Variants in ERC1 observed in about 807,000 individuals in gnomAD.
ERC1 encodes RAB6 interacting protein 2.
A neutral mutation model predicts 132.0 loss-of-function variants in ERC1; 56 were observed. The observed-to-expected ratio is 0.42, with a 90% CI of 0.34 to 0.53. The LOEUF is 0.53. ERC1 is among the 20% of genes least tolerant of loss of function. ERC1 has a pLI of 0.03. For missense variants in ERC1, 1,202 were observed against 1,349.9 expected (o/e 0.89, Z 1.72); for synonymous variants, 478 against 476.1 (o/e 1.00, Z -0.05).
rs2094318166 is a variant in ERC1 at position 1,491,472 on chromosome 12, G to C, written c.*1242G>C. The C allele has an allele frequency of 4.3e-6, 1 of 230,422 alleles. No individual in the cohort carries two copies. Among genetic ancestry groups the C allele is most frequent in the East Asian group, 6.2e-5 (1 of 16,226 alleles). The allele number at this position is 230,422 out of a possible 1,614,324, so 14.3% of individuals were successfully genotyped here. ...TTGAAAAGGCCACTTCTCAGTGAGG[G>C]AGAGATGTAGTGGATTCTGTGAGAC... is the stretch of plus-strand genomic sequence containing the variant. On this transcript the variant is annotated 3_prime_UTR_variant, in exon 19 of 19. Coordinates refer to ENST00000360905, the MANE Select transcript of ERC1 (RefSeq NM_178040.4).
At position 1,112,319 on chromosome 12, in the gene ERC1, C is replaced by G. The variant is rs753143486; in HGVS notation, c.1401+21C>G. The G allele has an allele frequency of 4.4e-6, 7 of 1,583,296 alleles. No homozygotes were observed. In the African/African-American group the frequency reaches 6.7e-5, roughly 15 times the overall value. ...CTGAGGTCTTTGCCGTAAGATTTAC[C>G]TCTTTGTGTGCAGTGGTCCCACAGT... On this transcript the variant is annotated intron_variant, in intron 6 of 18. Transcript: ENST00000360905.
chr12:1,065,252 C>G (rs748185472), intron 2 of ERC1, among the ~76,000 whole-genome samples: 1 of 152,070 alleles, frequency 6.6e-6, no homozygotes, highest in Non-Finnish European at 1.5e-5. Context: ...CTGCTCACCT[C>G]GGCCTCCCAA....
intron 15 of ERC1, among the ~76,000 whole-genome samples, chr12:1,357,875 G>A (rs774122602): frequency 1.3e-5 from 2 of 152,102 alleles, no homozygotes; most frequent in South Asian, 2.1e-4. Flanking sequence ...GATCTCCAGC[G>A]CAGATCAGTG....
At chr12:1,101,066 G>T (rs1944603703) in intron 3 of ERC1, among the ~76,000 whole-genome samples, 1 of 152,124 alleles carries the variant, frequency 6.6e-6, no homozygotes, top group Non-Finnish European at 1.5e-5. Context: ...AGTGACTAAG[G>T]ATGCATCATG....
At chr12:1,471,800 A>C (rs2093867262) in intron 18 of ERC1, among the ~76,000 whole-genome samples, 1 of 152,316 alleles carries the variant, frequency 6.6e-6, no homozygotes, top group South Asian at 2.1e-4. Flanking sequence ...ATTCCTTGTA[A>C]AGCTTTCCTC....
intron 12 of ERC1, among the ~76,000 whole-genome samples, chr12:1,206,701 T>G (rs1957380256): frequency 6.6e-6 from 1 of 152,178 alleles, no homozygotes; most frequent in African/African-American, 2.4e-5. Context: ...ATTCTTCTTT[T>G]GGCTAACGGT....
chr12:1,469,370 G>A lies in ERC1; in HGVS notation c.3214-20723G>A, dbSNP rs551429276. 8.5e-5 allele frequency among the ~76,000 whole-genome samples: 13 copies of A among 152,370 alleles called. No individual in the cohort carries two copies. In the East Asian group the frequency reaches 2.5e-3, roughly 29 times the overall value. The stretch of plus-strand genomic sequence containing the variant: ...GAGCAGCCTCCACGGGCTGTGTTCA[G>A]TGGGTGATTCCATGCCTTTGGTCTG... On this transcript the variant is annotated intron_variant, in intron 18 of 18. Coordinates refer to ENST00000360905, the MANE Select transcript of ERC1 (RefSeq NM_178040.4).
intron 18 of ERC1, among the ~76,000 whole-genome samples, chr12:1,449,336 G>A (rs1442971592): frequency 6.6e-6 from 1 of 152,084 alleles, no homozygotes; most frequent in African/African-American, 2.4e-5. Context: ...GAGGGGCCGG[G>A]GCAGAATGGT....
At chr12:1,339,439 C>T (rs2083611217) in intron 15 of ERC1, among the ~76,000 whole-genome samples, 1 of 137,712 alleles carries the variant, frequency 7.3e-6, no homozygotes, top group Non-Finnish European at 1.5e-5. Context: ...GCCAGGGTGC[C>T]CGCCCCCATG....
chr12:1,467,140 C>G (rs771046229), intron 18 of ERC1, among the ~76,000 whole-genome samples: 1 of 152,208 alleles, frequency 6.6e-6, no homozygotes, highest in African/African-American at 2.4e-5. Context: ...ACATCTTACT[C>G]TTTTCTAATG....
intron 18 of ERC1, among the ~76,000 whole-genome samples, chr12:1,467,545 G>A (rs2093768515): frequency 6.6e-6 from 1 of 152,144 alleles, no homozygotes; most frequent in African/African-American, 2.4e-5. Flanking sequence ...TAGAGCAGCG[G>A]TCCCCAACGT....
Position 1,236,793 on chromosome 12 carries a change from G to C in ERC1, c.2376G>C (p.Lys792Asn). 1 of 1,613,790 alleles carries C rather than the reference G, an allele frequency of 6.2e-7. No homozygotes were observed. Among genetic ancestry groups the C allele is most frequent in the Non-Finnish European group, 8.5e-7 (1 of 1,179,876 alleles). The part of the protein sequence containing the change: ...LERQVKDQNK[K>N]VANLKHKEQV... ...GGCAAGTGAAAGACCAGAATAAGAA[G>C]GTAGCAAATCTGAAGCACAAGGAAC... The change falls in exon 13 of 19, where the codon AAG becomes AAC. Residue 792 changes from lysine to asparagine, a missense_variant. Transcript: ENST00000360905.
chr12:1,444,333 C>T (rs770382751), intron 17 of ERC1: 6 of 399,082 alleles, frequency 1.5e-5, no homozygotes, highest in Non-Finnish European at 2.2e-5. Context: ...ATGAAGCCAG[C>T]GTTCTCTTCC....
At chr12:1,294,098 ACTC>A (rs1422287656) in intron 15 of ERC1, among the ~76,000 whole-genome samples, 4 of 151,296 alleles carry the variant, frequency 2.6e-5, no homozygotes, top group East Asian at 2.0e-4. Flanking sequence ...ATCCCTTGGG[ACTC>A]CTCCTCAGTT....
intron 7 of ERC1, among the ~76,000 whole-genome samples, chr12:1,120,819 G>T (rs557611451): frequency 2.7e-4 from 41 of 152,088 alleles, no homozygotes; most frequent in African/African-American, 9.2e-4. Context: ...TTTCGGAGGT[G>T]CTCAGGAGAT....
intron 15 of ERC1, among the ~76,000 whole-genome samples, chr12:1,339,612 G>A (rs1370108882): frequency 6.6e-6 from 1 of 152,058 alleles, no homozygotes; most frequent in African/African-American, 2.4e-5. Flanking sequence ...GGGGTGCCAG[G>A]GTGCCTGCCC....
chr12:1,197,099 G>C (rs900722602), intron 12 of ERC1, among the ~76,000 whole-genome samples: 4 of 150,258 alleles, frequency 2.7e-5, no homozygotes, highest in African/African-American at 9.8e-5. Context: ...TTGTGCGTCA[G>C]CCTTCCGAGT....
intron 3 of ERC1, among the ~76,000 whole-genome samples, chr12:1,100,517 G>T (rs565827347): frequency 1.5e-3 from 224 of 152,354 alleles, no homozygotes; most frequent in Non-Finnish European, 2.6e-3. Context: ...CCAGGCAAAA[G>T]ATAATGGTGG....
chr12:1,051,529 C>T (rs1183793354), intron 2 of ERC1, among the ~76,000 whole-genome samples: 1 of 127,686 alleles, frequency 7.8e-6, no homozygotes, highest in South Asian at 2.4e-4. Flanking sequence ...GTCTCTACCC[C>T]AAAAAAAAAA....
Sources: gnomAD v4.1 joint callset for allele counts (sites outside exome capture counted in the v4.1 genomes callset) on GRCh38, gnomAD v4.1.1 for gene constraint, MANE v1.5 for transcripts, NCBI Gene and HGNC (gene_info 2026-07-23, HGNC 2026-07-21) for gene names.